The following TAPT1 variants were observed in gnomAD, a reference collection of about 807,000 sequenced individuals.
TAPT1 encodes the protein transmembrane anterior posterior transformation protein 1 homolog.
In TAPT1, 28 loss-of-function variants were observed where a neutral mutation model predicts 65.6. That is an observed-to-expected ratio of 0.43 (90% CI 0.32 to 0.59). The LOEUF (loss-of-function observed/expected upper bound fraction) is 0.59, where lower values mean the gene tolerates loss of function less well. TAPT1 is among the 20% of genes least tolerant of loss of function. The probability of loss-of-function intolerance (pLI) is 0.09; values close to 1 mark genes in which losing one functional copy is unlikely to be tolerated. For synonymous variants in TAPT1, 278 were observed against 245.2 expected (o/e 1.13, Z -1.25); for missense variants, 563 against 679.9 (o/e 0.83, Z 1.91).
chr4:16,226,208 T>C (rs2108907827), intron 1 of TAPT1, 51 bp downstream of exon 1: 1 of 1,091,898 alleles, frequency 9.2e-7, no homozygotes, highest in Non-Finnish European at 1.1e-6. Flanking sequence ...CCGCCCTCGG[T>C]CCCCAGTCCG....
chr4:16,171,882 C>A (rs138332111), intron 11 of TAPT1, among the ~76,000 whole-genome samples: 5 of 152,206 alleles, frequency 3.3e-5, no homozygotes, highest in Non-Finnish European at 7.3e-5. Flanking sequence ...CTTTAATACA[C>A]ATTTTTTCTT....
At chr4:16,212,810 C>T (rs746588964) in intron 2 of TAPT1, among the ~76,000 whole-genome samples, 1 of 152,226 alleles carries the variant, frequency 6.6e-6, no homozygotes, top group Non-Finnish European at 1.5e-5. Context: ...TGACGCTTCA[C>T]CAAGAACCTA....
In TAPT1 at chr4:16,166,395, G is replaced by A. The variant is rs113718383; in HGVS notation, c.1474+238C>T. Among the ~76,000 whole-genome samples the A allele has an allele frequency of 5.0e-3, 755 of 152,358 alleles. 4 individuals are homozygous for A. The highest frequency in any genetic ancestry group is 0.031 in the Middle Eastern group (9 of 294). ...AGAATTGCCTTTCCACCCCACTGCT[G>A]TATCCACTGGAGCTGATGTGTCGCA... On this transcript the variant is annotated intron_variant, in intron 13 of 13. Transcript: ENST00000405303.
At chr4:16,180,503 T>G (rs1748649893) in intron 7 of TAPT1, among the ~76,000 whole-genome samples, 1 of 152,194 alleles carries the variant, frequency 6.6e-6, no homozygotes. Flanking sequence ...TCTGCTGTCA[T>G]TTCCCTACTT....
intron 3 of TAPT1, among the ~76,000 whole-genome samples, chr4:16,198,339 A>T (rs1249290621): frequency 6.6e-6 from 1 of 152,216 alleles, no homozygotes; most frequent in East Asian, 1.9e-4. Context: ...TGAGGTGAGA[A>T]CACTGATCTC....
rs535460680 is a variant in TAPT1, at chr4:16,212,020, A to C, written c.330+1748T>G. Among the ~76,000 whole-genome samples the C allele has an allele frequency of 3.3e-5, 5 of 152,234 alleles. No homozygotes were observed. The South Asian group carries it at 1.0e-3, about 31-fold the overall frequency. Reference sequence around the variant, plus strand: ...CAGTGTTGCCTTAAGAGAAAGAAAGAAGGAAGCGTGAAACCAGCCTGTCTC... The same window carrying C: ...CAGTGTTGCCTTAAGAGAAAGAAAGCAGGAAGCGTGAAACCAGCCTGTCTC... On this transcript the variant is annotated intron_variant, in intron 2 of 13. Coordinates refer to ENST00000405303, the MANE Select transcript of TAPT1 (RefSeq NM_153365.3).
At chr4:16,220,287 T>G (rs554359023) in intron 1 of TAPT1, among the ~76,000 whole-genome samples, 136 of 152,196 alleles carry the variant, frequency 8.9e-4, no homozygotes, top group Non-Finnish European at 1.6e-3. Flanking sequence ...CTGTCAGACT[T>G]TTGCAGTATT....
chr4:16,210,690 T>C (rs1750600564), intron 2 of TAPT1, among the ~76,000 whole-genome samples: 1 of 152,230 alleles, frequency 6.6e-6, no homozygotes, highest in African/African-American at 2.4e-5. Context: ...CACTTTGCTA[T>C]CTTGCCTCTC....
At chr4:16,186,410 G>T in intron 7 of TAPT1, 125 bp downstream of exon 7, 1 of 604,462 alleles carries the variant, frequency 1.7e-6, no homozygotes, top group South Asian at 2.4e-5. Flanking sequence ...TAAAGATGTT[G>T]ATAGCATAAG....
At chr4:16,197,246 G>A (rs1749764738) in intron 3 of TAPT1, among the ~76,000 whole-genome samples, 1 of 152,116 alleles carries the variant, frequency 6.6e-6, no homozygotes. Flanking sequence ...CCTAAAGCCG[G>A]GCCAGGGGAC....
At chr4:16,222,531 G>A (rs1033396622) in intron 1 of TAPT1, among the ~76,000 whole-genome samples, 14 of 152,126 alleles carry the variant, frequency 9.2e-5, no homozygotes, top group African/African-American at 3.4e-4. Context: ...GGGCCACTGG[G>A]ATAACTATGT....
chr4:16,168,887 C>A (rs1189610547), intron 12 of TAPT1, among the ~76,000 whole-genome samples: 1 of 152,210 alleles, frequency 6.6e-6, no homozygotes, highest in Non-Finnish European at 1.5e-5. Context: ...GCTGGCAAGT[C>A]CTCCCACCTT....
chr4:16,212,625 C>T lies in TAPT1; in HGVS notation c.330+1143G>A, dbSNP rs1750710964. On this transcript the variant is annotated intron_variant, in intron 2 of 13. Coordinates refer to ENST00000405303, the MANE Select transcript of TAPT1 (RefSeq NM_153365.3). Reference sequence around the variant, plus strand: ...CCTCCTTATCTGTAAGTCCCTCAGGCCCCCCCAGGGAACTCTAGTCCTCTA... The same window carrying T: ...CCTCCTTATCTGTAAGTCCCTCAGGTCCCCCCAGGGAACTCTAGTCCTCTA... Among the ~76,000 whole-genome samples the T allele has an allele frequency of 5.3e-5, 8 of 152,088 alleles. No homozygotes were observed. In the South Asian group the frequency reaches 1.7e-3, roughly 32 times the overall value.
intron 12 of TAPT1, among the ~76,000 whole-genome samples, chr4:16,167,908 G>C (rs1396785737): frequency 6.6e-6 from 1 of 151,980 alleles, no homozygotes; most frequent in East Asian, 1.9e-4. Flanking sequence ...TCAATATTTT[G>C]CTTCTACTAA....
Position 16,226,059 on chromosome 4 carries a change from G to C in TAPT1, c.199+200C>G, listed in dbSNP as rs533189278. 292 of 1,015,052 alleles carry C rather than the reference G, an allele frequency of 2.9e-4. 1 individual carries two copies. The African/African-American group carries it at 4.7e-3, about 16-fold the overall frequency. The allele number at this position is 1,015,052 out of a possible 1,614,324, so 62.9% of individuals were successfully genotyped here. ...GCGGCCGCGGGGGCCTCGGGGCTGC[G>C]CGCGCAACCCGCCCGAGGAACTGTC... On this transcript the variant is annotated intron_variant, in intron 1 of 13. Coordinates refer to ENST00000405303, the MANE Select transcript of TAPT1 (RefSeq NM_153365.3).
At chr4:16,219,695 T>A (rs1455983803) in intron 1 of TAPT1, among the ~76,000 whole-genome samples, 27 of 152,168 alleles carry the variant, frequency 1.8e-4, no homozygotes, top group Non-Finnish European at 1.5e-4. Context: ...TTTACAAAGG[T>A]CTTGCACACA....
intron 13 of TAPT1, among the ~76,000 whole-genome samples, chr4:16,165,847 T>C (rs1332051865): frequency 2.6e-5 from 4 of 152,304 alleles, no homozygotes; most frequent in East Asian, 3.9e-4. Flanking sequence ...CCTGGCCAGA[T>C]AGCTGCCTCT....
At chr4:16,216,545 T>C (rs944045860) in intron 1 of TAPT1, among the ~76,000 whole-genome samples, 2 of 152,158 alleles carry the variant, frequency 1.3e-5, no homozygotes, top group African/African-American at 4.8e-5. Flanking sequence ...TCTTGCCCAC[T>C]GATTCAGCAC....
intron 3 of TAPT1, among the ~76,000 whole-genome samples, chr4:16,198,854 T>TA (rs1288993155): frequency 6.6e-6 from 1 of 152,222 alleles, no homozygotes; most frequent in African/African-American, 2.4e-5. Flanking sequence ...GTCTTAGACT[T>TA]AATATTAACA....
Sources: gnomAD v4.1 joint callset for allele counts (sites outside exome capture counted in the v4.1 genomes callset) on GRCh38, gnomAD v4.1.1 for gene constraint, MANE v1.5 for transcripts, NCBI Gene and HGNC (gene_info 2026-07-23, HGNC 2026-07-21) for gene names.